CCSER1: variants seen among roughly 807,000 people sequenced by gnomAD.
CCSER1 encodes the protein serine-rich coiled-coil domain-containing protein 1.
CCSER1 carries 41 observed loss-of-function variants against 82.0 expected under a neutral mutation model. That is an observed-to-expected ratio of 0.50 (90% CI 0.39 to 0.65). The LOEUF is 0.65. CCSER1 is among the 30% of genes least tolerant of loss of function. The pLI, the probability that CCSER1 is intolerant of heterozygous loss-of-function variation, is 0.00. For synonymous variants in CCSER1, 414 were observed against 383.9 expected (o/e 1.08, Z -0.92); for missense variants, 1,119 against 1,064.2 (o/e 1.05, Z -0.72).
intron 3 of CCSER1, among the ~76,000 whole-genome samples, chr4:90,387,098 T>C (rs1750176418): frequency 6.6e-6 from 1 of 152,134 alleles, no homozygotes; most frequent in African/African-American, 2.4e-5. Context: ...GAGTTCAATA[T>C]GGAAGATTTG....
chr4:91,505,948 A>G (rs1045604303), intron 10 of CCSER1, among the ~76,000 whole-genome samples: 1 of 152,060 alleles, frequency 6.6e-6, no homozygotes, highest in African/African-American at 2.4e-5. Flanking sequence ...ATTAGATCCC[A>G]TTTGTCAATT....
chr4:91,098,323 C>T (rs898682185), intron 10 of CCSER1, among the ~76,000 whole-genome samples: 5 of 152,126 alleles, frequency 3.3e-5, no homozygotes, highest in Admixed American at 6.6e-5. Flanking sequence ...AGAGAAAATT[C>T]TGAGAATCAG....
intron 1 of CCSER1, among the ~76,000 whole-genome samples, chr4:90,269,060 A>G (rs1725766438): frequency 6.6e-6 from 1 of 152,126 alleles, no homozygotes; most frequent in South Asian, 2.1e-4. Context: ...CAGATGTTAG[A>G]GCTAAAGAGA....
intron 10 of CCSER1, among the ~76,000 whole-genome samples, chr4:91,429,523 A>C (rs528629704): frequency 6.6e-6 from 1 of 152,086 alleles, no homozygotes; most frequent in Non-Finnish European, 1.5e-5. Flanking sequence ...CTATTTATTT[A>C]GATCAATACA....
intron 1 of CCSER1, among the ~76,000 whole-genome samples, chr4:90,168,527 G>A (rs1458349742): frequency 1.3e-5 from 2 of 152,148 alleles, no homozygotes; most frequent in Non-Finnish European, 2.9e-5. Flanking sequence ...TGCTTTTGGT[G>A]TTTTAGACAT....
intron 10 of CCSER1, among the ~76,000 whole-genome samples, chr4:91,388,463 C>G (rs10856886): frequency 0.71 from 108,554 of 151,946 alleles, 38,853 homozygotes; most frequent in East Asian, 0.86. Context: ...TATATGTTTA[C>G]TTTGTAAGAA....
At chr4:90,727,635 G>T (rs886190497) in intron 7 of CCSER1, among the ~76,000 whole-genome samples, 2 of 152,134 alleles carry the variant, frequency 1.3e-5, no homozygotes, top group African/African-American at 2.4e-5. Flanking sequence ...TTAGTAGGAT[G>T]ACCCTTTCAA....
At chr4:91,180,410 G>A (rs1251818609) in intron 10 of CCSER1, among the ~76,000 whole-genome samples, 1 of 152,242 alleles carries the variant, frequency 6.6e-6, no homozygotes, top group Non-Finnish European at 1.5e-5. Context: ...CCCCAGAGGT[G>A]GAGTCTACAG....
At chr4:90,629,376 C>G (rs1176318259) in intron 6 of CCSER1, among the ~76,000 whole-genome samples, 2 of 152,146 alleles carry the variant, frequency 1.3e-5, no homozygotes, top group African/African-American at 4.8e-5. Context: ...TTCCATATGG[C>G]TGGGGAGGCC....
At chr4:91,118,750 T>G (rs191266515) in intron 10 of CCSER1, among the ~76,000 whole-genome samples, 49 of 152,296 alleles carry the variant, frequency 3.2e-4, no homozygotes, top group African/African-American at 1.1e-3. Context: ...TTCTGTCTCT[T>G]TTGCATAATA....
At chr4:91,170,610 A>C (rs1165856519) in intron 10 of CCSER1, among the ~76,000 whole-genome samples, 4 of 152,214 alleles carry the variant, frequency 2.6e-5, no homozygotes, top group Non-Finnish European at 5.9e-5. Context: ...GATATTTTGA[A>C]GTTTATTATT....
At chr4:91,521,861 C>T (rs1023047037) in intron 10 of CCSER1, among the ~76,000 whole-genome samples, 3 of 152,122 alleles carry the variant, frequency 2.0e-5, no homozygotes, top group Admixed American at 2.0e-4. Context: ...GTTCCTTTTG[C>T]CGTGCAGAAG....
At chr4:91,524,425 C>G (rs1760668232) in intron 10 of CCSER1, among the ~76,000 whole-genome samples, 1 of 152,178 alleles carries the variant, frequency 6.6e-6, no homozygotes, top group South Asian at 2.1e-4. Context: ...AGACACAAGT[C>G]TGCTCAATGA....
chr4:90,418,983 A>C (rs141428330), intron 4 of CCSER1, among the ~76,000 whole-genome samples: 33 of 152,168 alleles, frequency 2.2e-4, no homozygotes, highest in Admixed American at 2.0e-3. Context: ...TAGATGAAGG[A>C]AGAGAAACCC....
intron 10 of CCSER1, among the ~76,000 whole-genome samples, chr4:91,162,596 C>T (rs1312539252): frequency 2.0e-5 from 3 of 152,124 alleles, no homozygotes; most frequent in African/African-American, 7.2e-5. Flanking sequence ...TAATTATTGC[C>T]TCAATTTCAG....
At chr4:91,081,610 A>AT (rs1722756739) in intron 9 of CCSER1, among the ~76,000 whole-genome samples, 1 of 152,206 alleles carries the variant, frequency 6.6e-6, no homozygotes, top group Non-Finnish European at 1.5e-5. Flanking sequence ...TTAGGAAAAG[A>AT]GGAAGTCAAA....
intron 5 of CCSER1, among the ~76,000 whole-genome samples, chr4:90,595,226 G>A (rs1783189063): frequency 6.6e-6 from 1 of 151,938 alleles, no homozygotes; most frequent in South Asian, 2.1e-4. Flanking sequence ...GGCATCACAT[G>A]AAGTTAAAAC....
chr4:91,084,405 A>G (rs1414943926), intron 9 of CCSER1, among the ~76,000 whole-genome samples: 2 of 152,146 alleles, frequency 1.3e-5, no homozygotes, highest in Non-Finnish European at 2.9e-5. Context: ...TTTGGTAGCT[A>G]CTATATTTAT....
chr4:90,903,173 C>T (rs970449893), intron 8 of CCSER1, among the ~76,000 whole-genome samples: 15 of 152,066 alleles, frequency 9.9e-5, no homozygotes, highest in Non-Finnish European at 1.8e-4. Context: ...CTCTCCAAAT[C>T]TCAACTTGAA....
Sources: allele counts gnomAD v4.1 joint callset (sites outside exome capture counted in the v4.1 genomes callset), GRCh38; gene constraint gnomAD v4.1.1; transcripts MANE v1.5; gene names NCBI Gene and HGNC (gene_info 2026-07-23, HGNC 2026-07-21).